MFAP3L: variants seen among roughly 807,000 people sequenced by gnomAD.
The protein encoded by MFAP3L is microfibrillar-associated protein 3-like.
Under a neutral mutation model 20.0 loss-of-function variants are expected in MFAP3L, and 5 were observed. That is an observed-to-expected ratio of 0.25 (90% confidence interval 0.13 to 0.53). The LOEUF is 0.53. Ranked by LOEUF, MFAP3L falls within the 20% of genes least tolerant of loss-of-function variation. The pLI, the probability that MFAP3L is intolerant of heterozygous loss-of-function variation, is 0.96. For synonymous variants in MFAP3L, 219 were observed against 213.0 expected, an observed-to-expected ratio of 1.03 and a Z score of -0.25; for missense variants, 409 against 527.5, an observed-to-expected ratio of 0.78 and a Z score of 2.20.
At chr4:170,007,411 T>C (rs1203625035) in intron 1 of MFAP3L, among the ~76,000 whole-genome samples, 2 of 152,222 alleles carry the variant, frequency 1.3e-5, no homozygotes, top group African/African-American at 2.4e-5. Context: ...GTGAAGAGCA[T>C]GGCCTCAGGT....
At chr4:170,011,016 G>C (rs529988954) in intron 1 of MFAP3L, among the ~76,000 whole-genome samples, 6 of 152,238 alleles carry the variant, frequency 3.9e-5, no homozygotes, top group African/African-American at 1.2e-4. Flanking sequence ...CCACCATATT[G>C]TTCTTGTGGT....
At chr4:169,995,693 G>A (rs1368313523) in intron 2 of MFAP3L, among the ~76,000 whole-genome samples, 1 of 152,194 alleles carries the variant, frequency 6.6e-6, no homozygotes, top group Non-Finnish European at 1.5e-5. Context: ...CACCCACGGT[G>A]ACTATCACAG....
Position 169,991,513 on chromosome 4 carries a change from GGACGT to G in MFAP3L, c.1090_1094del (p.Thr364HisfsTer6), listed in dbSNP as rs1293476742. On this transcript the variant is annotated frameshift_variant, in exon 3 of 3. Transcript: ENST00000361618. LOFTEE classifies it high-confidence loss of function. This position sits in a 1 kb window ranked among gnomAD's most constrained non-coding sequence, Gnocchi z 4.9. ...TTGGCTCTTCAGATGTTAGCTCGGT[GGACGT>G]GACATCGGTAGAAGGTTCTGCAGTT... The G allele has an allele frequency of 1.2e-6, 2 of 1,614,076 alleles. No homozygotes were observed. The highest frequency in any genetic ancestry group is 1.7e-6 in the Non-Finnish European group (2 of 1,180,048).
chr4:170,024,722 G>A (rs1238776075), intron 1 of MFAP3L, among the ~76,000 whole-genome samples: 1 of 152,126 alleles, frequency 6.6e-6, no homozygotes, highest in Non-Finnish European at 1.5e-5. Context: ...GATGTTTCAA[G>A]CCTTTCCTAT....
At chr4:170,023,109 T>C (rs544662948) in intron 1 of MFAP3L, among the ~76,000 whole-genome samples, 2 of 152,276 alleles carry the variant, frequency 1.3e-5, no homozygotes, top group Admixed American at 6.5e-5. Flanking sequence ...CTTAATGAAA[T>C]ATCATGACTT....
At chr4:170,005,414 T>C (rs968228806) in intron 2 of MFAP3L, 166 bp downstream of exon 2, 2 of 793,966 alleles carry the variant, frequency 2.5e-6, no homozygotes, top group South Asian at 1.9e-5. Context: ...AATGAATTAA[T>C]TGCTTCTTTG....
At chr4:170,019,973 G>C (rs2111069554) in intron 1 of MFAP3L, among the ~76,000 whole-genome samples, 1 of 152,292 alleles carries the variant, frequency 6.6e-6, no homozygotes, top group South Asian at 2.1e-4. Context: ...AAAAGCTGAG[G>C]GTCCATCAGG....
At position 170,002,016 on chromosome 4, in the gene MFAP3L, A is replaced by C. The variant is rs1035231621; in HGVS notation, c.298+3564T>G. The C allele has an allele frequency of 4.1e-6, 4 of 985,338 alleles. No individual in the cohort carries two copies. In the African/African-American group the frequency reaches 7.0e-5, roughly 17 times the overall value. The allele number at this position is 985,338 out of a possible 1,614,324, so 61.0% of individuals were successfully genotyped here. The stretch of plus-strand genomic sequence containing the variant: ...TTGCTCCTTTCCAGGCTAATCACAA[A>C]GTGAATGGCAGTGTGCTCCTTGAGT... On this transcript the variant is annotated intron_variant, in intron 2 of 2. Transcript: ENST00000361618.
At chr4:170,009,878 T>C (rs1009470602) in intron 1 of MFAP3L, among the ~76,000 whole-genome samples, 19 of 152,242 alleles carry the variant, frequency 1.2e-4, no homozygotes. Context: ...GGGTGTTTTG[T>C]ACTAAATGAA....
chr4:170,026,956 G>A (rs1411874125), upstream of MFAP3L: 1 of 152,132 alleles, frequency 6.6e-6, no homozygotes, highest in East Asian at 1.9e-4. Context: ...AGTCTTAAAC[G>A]TCTCTTAAAG....
rs1737512229 is a variant in MFAP3L at position 169,989,567 on chromosome 4, C to T, written c.*1811G>A. On this transcript the variant is annotated 3_prime_UTR_variant, in exon 3 of 3. Coordinates refer to ENST00000361618, the MANE Select transcript of MFAP3L (RefSeq NM_021647.8). ...TTCAACTAGAAGGGATCCTGTAGAC[C>T]CTCGAGTACTACCTGCATATTTTAC... 1 of 152,112 alleles carries T rather than the reference C, an allele frequency of 6.6e-6. No homozygotes were observed. Among genetic ancestry groups the T allele is most frequent in the Non-Finnish European group, 1.5e-5 (1 of 68,030 alleles). 9.4% of individuals were successfully genotyped at this position (152,112 alleles called of 1,614,324 possible).
chr4:170,003,466 C>T (rs977112483), intron 2 of MFAP3L, among the ~76,000 whole-genome samples: 22 of 152,212 alleles, frequency 1.4e-4, no homozygotes, highest in Admixed American at 1.2e-3. Flanking sequence ...AGCTTGCCAA[C>T]GCTGAGTCAG....
At position 169,988,059 on chromosome 4, in the gene MFAP3L, A is replaced by G. The variant is rs1737393706; in HGVS notation, c.*3319T>C. Reference sequence around the variant, plus strand: ...TCCAAGACAAATCATTCTGGACATAATGACACAGCACAATAATGCTTGGGA... The same window carrying G: ...TCCAAGACAAATCATTCTGGACATAGTGACACAGCACAATAATGCTTGGGA... On this transcript the variant is annotated 3_prime_UTR_variant, in exon 3 of 3. Coordinates refer to ENST00000361618, the MANE Select transcript of MFAP3L (RefSeq NM_021647.8). 6.6e-6 allele frequency: 1 copy of G among 152,192 alleles called. No homozygotes were observed. Among genetic ancestry groups the G allele is most frequent in the Non-Finnish European group, 1.5e-5 (1 of 68,018 alleles). The allele number at this position is 152,192 out of a possible 1,614,324, so 9.4% of individuals were successfully genotyped here.
chr4:170,018,072 TTGGTGACACC>T (rs1272395730), intron 1 of MFAP3L, among the ~76,000 whole-genome samples: 1 of 152,230 alleles, frequency 6.6e-6, no homozygotes, highest in African/African-American at 2.4e-5. Flanking sequence ...GCTTAGAATC[TTGGTGACACC>T]TGCATACAAA....
intron 2 of MFAP3L, among the ~76,000 whole-genome samples, chr4:169,997,459 A>C (rs1413535165): frequency 6.6e-6 from 1 of 152,252 alleles, no homozygotes; most frequent in African/African-American, 2.4e-5. Flanking sequence ...GAACAGCTCT[A>C]AATCAAGCAA....
At chr4:170,023,645 T>A (rs1437821646) in intron 1 of MFAP3L, among the ~76,000 whole-genome samples, 2 of 152,196 alleles carry the variant, frequency 1.3e-5, no homozygotes, top group Admixed American at 1.3e-4. Context: ...GAAAGACAAG[T>A]CACACCCTAA....
At chr4:170,018,124 A>T (rs1368075258) in intron 1 of MFAP3L, among the ~76,000 whole-genome samples, 1 of 152,224 alleles carries the variant, frequency 6.6e-6, no homozygotes, top group East Asian at 1.9e-4. Flanking sequence ...AACTAGGTAA[A>T]TGCCACAGAA....
intron 1 of MFAP3L, 79 bp downstream of exon 1, chr4:170,026,155 C>T: frequency 2.3e-6 from 2 of 874,442 alleles, no homozygotes; most frequent in African/African-American, 1.8e-5. Flanking sequence ...GCCCCGGCGC[C>T]GACTCGGCCG....
chr4:170,013,052 C>T (rs1482497252), intron 1 of MFAP3L, among the ~76,000 whole-genome samples: 3 of 151,928 alleles, frequency 2.0e-5, no homozygotes. Context: ...AACTATAGGC[C>T]CAGAGATGCC....
Sources: allele counts gnomAD v4.1 joint callset (sites outside exome capture counted in the v4.1 genomes callset), GRCh38; gene constraint gnomAD v4.1.1; non-coding constraint Gnocchi (gnomAD v3.1); transcripts MANE v1.5; gene names NCBI Gene and HGNC (gene_info 2026-07-23, HGNC 2026-07-21).